Variants in FANCC observed in about 807,000 individuals in gnomAD.
The protein encoded by FANCC is Fanconi anemia group C protein.
A neutral mutation model predicts 71.3 loss-of-function variants in FANCC; 55 were observed. The observed-to-expected ratio is 0.77, with a 90% CI of 0.62 to 0.97. FANCC has a LOEUF of 0.97. Ranked by LOEUF, FANCC falls within the 50% of genes least tolerant of loss-of-function variation. FANCC has a pLI of 0.00. For synonymous variants in FANCC, 275 were observed against 244.9 expected, an observed-to-expected ratio of 1.12 and a Z score of -1.15; for missense variants, 678 against 670.9, an observed-to-expected ratio of 1.01 and a Z score of -0.12.
rs1046183823 is a variant in FANCC, at chr9:95,249,110, T to C, written c.165+17A>G. The C allele has an allele frequency of 1.4e-5, 22 of 1,612,980 alleles. No homozygotes were observed. Among genetic ancestry groups the C allele is most frequent in the East Asian group, 1.3e-4 (6 of 44,890 alleles). On this transcript the variant is annotated intron_variant, in intron 2 of 14. Coordinates refer to ENST00000289081, the MANE Select transcript of FANCC (RefSeq NM_000136.3). ...TGAAGTCAGAAAATAATTTCATTAT[T>C]CTGGTCCACTACTTACCATCTCTTT...
At chr9:95,224,504 TA>T (rs927274972) in intron 4 of FANCC, among the ~76,000 whole-genome samples, 2,157 of 143,912 alleles carry the variant, frequency 0.015, 56 homozygotes, top group African/African-American at 0.05. Context: ...GAAGATTGGT[TA>T]AAAAAAAAAA....
chr9:95,250,478 T>A (rs189052191), intron 1 of FANCC, among the ~76,000 whole-genome samples: 250 of 152,328 alleles, frequency 1.6e-3, no homozygotes, highest in Non-Finnish European at 2.8e-3. Flanking sequence ...GGGAAAGTTT[T>A]AAAATACCTA....
intron 1 of FANCC, chr9:95,293,064 T>C: frequency 6.2e-7 from 1 of 1,603,090 alleles, no homozygotes; most frequent in South Asian, 1.1e-5. Context: ...ACAAGACCAC[T>C]GAATCATTTA....
chr9:95,261,532 A>G (rs930915492), intron 1 of FANCC, among the ~76,000 whole-genome samples: 1 of 152,260 alleles, frequency 6.6e-6, no homozygotes, highest in African/African-American at 2.4e-5. Context: ...CTAATGCAGC[A>G]AAAGCAATTG....
chr9:95,197,505 C>T (rs2121200), intron 4 of FANCC, among the ~76,000 whole-genome samples: 5,572 of 152,206 alleles, frequency 0.037, 301 homozygotes, highest in African/African-American at 0.12. Flanking sequence ...TGCCACTGCA[C>T]TCCAGCCTGG....
chr9:95,134,840 C>G (rs934823645), intron 8 of FANCC, among the ~76,000 whole-genome samples: 1 of 152,222 alleles, frequency 6.6e-6, no homozygotes, highest in African/African-American at 2.4e-5. Context: ...CCAGGCGCCA[C>G]CGCGCAGGGG....
intron 6 of FANCC, among the ~76,000 whole-genome samples, chr9:95,159,014 TG>T (rs1360094057): frequency 1.3e-5 from 2 of 152,158 alleles, no homozygotes; most frequent in Admixed American, 1.3e-4. Context: ...CTAGAAATGA[TG>T]GAAGAATTTT....
intron 10 of FANCC, among the ~76,000 whole-genome samples, chr9:95,120,460 G>C (rs1197207544): frequency 4.0e-5 from 6 of 151,020 alleles, no homozygotes; most frequent in African/African-American, 1.5e-4. Context: ...TGTCTTCCAG[G>C]CTGGAGTGCA....
rs899912241 is a variant in FANCC at position 95,100,841 on chromosome 9, G to T, written c.*866C>A. On this transcript the variant is annotated 3_prime_UTR_variant, in exon 15 of 15. Transcript: ENST00000289081. ...AGATAGGGTATTGCCATGTTAGCCA[G>T]GCAGTCTGGAACTCCTGGGCTGAAG... 1.7e-5 allele frequency: 4 copies of T among 229,662 alleles called. No individual in the cohort carries two copies. Among genetic ancestry groups the T allele is most frequent in the Non-Finnish European group, 3.5e-5 (4 of 115,888 alleles). The allele number at this position is 229,662 out of a possible 1,614,324, so 14.2% of individuals were successfully genotyped here.
intron 4 of FANCC, among the ~76,000 whole-genome samples, chr9:95,208,833 T>C (rs1036192042): frequency 6.6e-5 from 10 of 152,172 alleles, no homozygotes; most frequent in African/African-American, 2.4e-4. Context: ...ATTTTGGCAG[T>C]TTCTTATAAA....
chr9:95,205,136 T>C (rs1279445423), intron 4 of FANCC, among the ~76,000 whole-genome samples: 1 of 152,226 alleles, frequency 6.6e-6, no homozygotes, highest in African/African-American at 2.4e-5. Flanking sequence ...AAAAGGAAGT[T>C]ATTCCTTCTA....
At chr9:95,293,493 C>T (rs1834181996) in intron 1 of FANCC, 5 of 1,580,994 alleles carry the variant, frequency 3.2e-6, no homozygotes, top group Non-Finnish European at 4.3e-6. Flanking sequence ...TACTGGTGTT[C>T]AAGTGAACTT....
intron 10 of FANCC, among the ~76,000 whole-genome samples, chr9:95,119,603 A>G (rs1470774011): frequency 6.6e-6 from 1 of 152,048 alleles, no homozygotes; most frequent in Non-Finnish European, 1.5e-5. Context: ...TGAACTCGTG[A>G]TCCACCCACC....
rs1049590708 is a variant in FANCC at position 95,135,672 on chromosome 9, G to A, written c.687-170C>T. On this transcript the variant is annotated intron_variant, in intron 7 of 14. Coordinates refer to ENST00000289081, the MANE Select transcript of FANCC (RefSeq NM_000136.3). ...GTGAATATTTACCAAGTGCTCATTT[G>A]CAAAATAATGTGAATATGCTTCCAC... 6.5e-6 allele frequency: 4 copies of A among 618,480 alleles called. No homozygotes were observed. In the African/African-American group the frequency reaches 7.4e-5, roughly 11 times the overall value. The allele number at this position is 618,480 out of a possible 1,614,324, so 38.3% of individuals were successfully genotyped here.
At chr9:95,234,946 C>T (rs1338001046) in intron 4 of FANCC, among the ~76,000 whole-genome samples, 1 of 152,156 alleles carries the variant, frequency 6.6e-6, no homozygotes, top group African/African-American at 2.4e-5. Flanking sequence ...CTAGTCAGGT[C>T]TCTCACTGAC....
intron 1 of FANCC, among the ~76,000 whole-genome samples, chr9:95,259,670 A>G (rs753308099): frequency 1.3e-5 from 2 of 152,250 alleles, no homozygotes; most frequent in Non-Finnish European, 2.9e-5. Context: ...AGCAATGGCA[A>G]CAAAAGCTAA....
At chr9:95,106,968 T>C in intron 14 of FANCC, 98 bp downstream of exon 14, 3 of 1,183,914 alleles carry the variant, frequency 2.5e-6, no homozygotes, top group Non-Finnish European at 3.7e-6. Context: ...AGCATCCTGG[T>C]ACACACACTG....
chr9:95,282,672 T>C (rs1405769178), intron 1 of FANCC, among the ~76,000 whole-genome samples: 1 of 152,214 alleles, frequency 6.6e-6, no homozygotes, highest in Non-Finnish European at 1.5e-5. Flanking sequence ...CCAGTATAAA[T>C]CATATGTTAG....
chr9:95,226,080 A>C (rs1829593530), intron 4 of FANCC, among the ~76,000 whole-genome samples: 1 of 152,228 alleles, frequency 6.6e-6, no homozygotes, highest in African/African-American at 2.4e-5. Flanking sequence ...TTTACACTGC[A>C]AAACTATGAA....
Sources: allele counts gnomAD v4.1 joint callset (sites outside exome capture counted in the v4.1 genomes callset), GRCh38; gene constraint gnomAD v4.1.1; transcripts MANE v1.5; gene names NCBI Gene and HGNC (gene_info 2026-07-23, HGNC 2026-07-21).